The following ADAM22 variants were observed in gnomAD, a reference collection of about 807,000 sequenced individuals.
ADAM22 encodes disintegrin and metalloproteinase domain-containing protein 22.
ADAM22 carries 65 observed loss-of-function variants against 144.6 expected under a neutral mutation model. That is an observed-to-expected ratio of 0.45 (90% CI 0.37 to 0.55). The LOEUF (loss-of-function observed/expected upper bound fraction) is 0.55, where lower values mean the gene tolerates loss of function less well. Ranked by LOEUF, ADAM22 falls within the 20% of genes least tolerant of loss-of-function variation. The probability of loss-of-function intolerance (pLI) is 0.00; values close to 1 mark genes in which losing one functional copy is unlikely to be tolerated. For missense variants in ADAM22, 974 were observed against 1,184.9 expected, an observed-to-expected ratio of 0.82 and a Z score of 2.61; for synonymous variants, 391 against 412.6, an observed-to-expected ratio of 0.95 and a Z score of 0.63.
At chr7:88,042,216 T>A (rs1803317783) in intron 3 of ADAM22, among the ~76,000 whole-genome samples, 1 of 152,070 alleles carries the variant, frequency 6.6e-6, no homozygotes, top group East Asian at 1.9e-4. Flanking sequence ...TTTGATTGTT[T>A]ATTTAGTAGG....
intron 3 of ADAM22, among the ~76,000 whole-genome samples, chr7:88,009,043 C>T (rs536624935): frequency 6.6e-6 from 1 of 152,126 alleles, no homozygotes; most frequent in South Asian, 2.1e-4. Flanking sequence ...TTTATTTCAG[C>T]TTTTCACCCT....
intron 3 of ADAM22, 81 bp downstream of exon 3, chr7:87,978,493 ATATTT>A: frequency 8.1e-7 from 1 of 1,232,308 alleles, no homozygotes; most frequent in Non-Finnish European, 1.2e-6. Flanking sequence ...TTTTCTTACT[ATATTT>A]TACTTTGTCT....
chr7:87,986,547 T>TAA (rs1280999719), intron 3 of ADAM22, among the ~76,000 whole-genome samples: 2 of 152,152 alleles, frequency 1.3e-5, no homozygotes, highest in African/African-American at 2.4e-5. Context: ...ACTAGAGACT[T>TAA]ACAGGATTCA....
chr7:87,990,431 AC>A (rs1789515738), intron 3 of ADAM22, among the ~76,000 whole-genome samples: 1 of 152,212 alleles, frequency 6.6e-6, no homozygotes, highest in Admixed American at 6.5e-5. Flanking sequence ...CAAATAAGTA[AC>A]ATACATGAAC....
chr7:88,124,922 G>C (rs553805434), intron 7 of ADAM22, among the ~76,000 whole-genome samples: 3 of 151,894 alleles, frequency 2.0e-5, no homozygotes, highest in African/African-American at 7.2e-5. Context: ...AGCCCCTTCA[G>C]GTTGCTCAAC....
At chr7:88,129,708 T>G (rs1371987084) in intron 9 of ADAM22, among the ~76,000 whole-genome samples, 1 of 152,082 alleles carries the variant, frequency 6.6e-6, no homozygotes, top group African/African-American at 2.4e-5. Context: ...AAGACAGTAT[T>G]AGGTGGGTAA....
At chr7:87,964,603 G>C (rs533869107) in intron 2 of ADAM22, 1 of 414,164 alleles carries the variant, frequency 2.4e-6, no homozygotes, top group African/African-American at 2.1e-5. Context: ...GAACGTGTTT[G>C]AAAAATTGTA....
At chr7:88,098,659 CTCCT>C (rs1025764142) in intron 4 of ADAM22, among the ~76,000 whole-genome samples, 7 of 152,190 alleles carry the variant, frequency 4.6e-5, no homozygotes, top group African/African-American at 1.7e-4. Flanking sequence ...ATAAGATTAA[CTCCT>C]TCCTCATCAC....
At chr7:88,103,058 G>A (rs1362788945) in intron 4 of ADAM22, among the ~76,000 whole-genome samples, 2 of 152,160 alleles carry the variant, frequency 1.3e-5, no homozygotes, top group African/African-American at 2.4e-5. Context: ...AGAGGTTGCA[G>A]TATGGTTGAA....
intron 3 of ADAM22, among the ~76,000 whole-genome samples, chr7:88,047,765 G>T (rs1805053510): frequency 6.6e-6 from 1 of 151,710 alleles, no homozygotes; most frequent in South Asian, 2.1e-4. Flanking sequence ...TATTTTAGCG[G>T]GATCTTTCAC....
At chr7:87,982,230 G>C (rs889256003) in intron 3 of ADAM22, among the ~76,000 whole-genome samples, 4 of 151,988 alleles carry the variant, frequency 2.6e-5, no homozygotes, top group Non-Finnish European at 5.9e-5. Flanking sequence ...TCTAGCCAGA[G>C]AAACAAACAA....
At chr7:88,145,343 T>G (rs1836061538) in intron 16 of ADAM22, 72 bp from the exon 17 acceptor site, 1 of 1,502,164 alleles carries the variant, frequency 6.7e-7, no homozygotes, top group African/African-American at 1.4e-5. Flanking sequence ...ACATTTATTT[T>G]AGAAAATATC....
chr7:87,934,825 G>T, intron 1 of ADAM22: 2 of 728,002 alleles, frequency 2.7e-6, no homozygotes, highest in African/African-American at 1.8e-5. Flanking sequence ...TCTGGGCCCC[G>T]CTCCTGGTTG....
intron 4 of ADAM22, among the ~76,000 whole-genome samples, chr7:88,079,765 G>T (rs1364334479): frequency 6.6e-6 from 1 of 152,090 alleles, no homozygotes; most frequent in Non-Finnish European, 1.5e-5. Context: ...ATTACATAAT[G>T]GTAAAGGGAT....
chr7:88,192,434 G>C (rs763443091), intron 30 of ADAM22, among the ~76,000 whole-genome samples: 1 of 152,178 alleles, frequency 6.6e-6, no homozygotes, highest in Non-Finnish European at 1.5e-5. Context: ...AATCAATCAA[G>C]TACAGCATAA....
chr7:88,014,687 C>G (rs1443097084), intron 3 of ADAM22, among the ~76,000 whole-genome samples: 3 of 152,144 alleles, frequency 2.0e-5, no homozygotes, highest in African/African-American at 7.2e-5. Context: ...TACTTTCTGG[C>G]AACACTGGGC....
chr7:88,142,638 A>C (rs1586134389), intron 14 of ADAM22, among the ~76,000 whole-genome samples: 1 of 152,142 alleles, frequency 6.6e-6, no homozygotes, highest in Admixed American at 6.6e-5. Context: ...GGAGATCGAG[A>C]CCATCCTGGC....
intron 3 of ADAM22, among the ~76,000 whole-genome samples, chr7:88,053,607 A>G (rs867056837): frequency 1.0e-5 from 1 of 99,234 alleles, no homozygotes; most frequent in Admixed American, 1.1e-4. Flanking sequence ...AAAGAAAGAA[A>G]GAAAGAAAGA....
rs114244669 is a variant in ADAM22 at position 87,980,534 on chromosome 7, T to G, written c.323+2122T>G. Among the ~76,000 whole-genome samples, 319 of 152,174 alleles carry G rather than the reference T, an allele frequency of 2.1e-3. 3 individuals carry two copies. Among genetic ancestry groups the G allele is most frequent in the African/African-American group, 7.5e-3 (310 of 41,500 alleles). ...TGGGGCTGTGGAACATATAGAAAAT[T>G]TTTTTAACTGGAGGAAAATTAAATA... On this transcript the variant is annotated intron_variant, in intron 3 of 31. Transcript: ENST00000413139.
Sources: allele counts gnomAD v4.1 joint callset (sites outside exome capture counted in the v4.1 genomes callset), GRCh38; gene constraint gnomAD v4.1.1; transcripts MANE v1.5; gene names NCBI Gene and HGNC (gene_info 2026-07-23, HGNC 2026-07-21).